Variants in PSD3 observed in about 807,000 individuals in gnomAD.
The protein encoded by PSD3 is PH and SEC7 domain-containing protein 3.
In PSD3, 49 loss-of-function variants were observed where a neutral mutation model predicts 105.5. The ratio of observed to expected loss-of-function variants is 0.46; its 90% confidence interval spans 0.37 to 0.59. The LOEUF (loss-of-function observed/expected upper bound fraction) is 0.59. PSD3 is among the 20% of genes least tolerant of loss of function. The probability of loss-of-function intolerance (pLI) is 0.00; values close to 1 mark genes in which losing one functional copy is unlikely to be tolerated. For synonymous variants in PSD3, 557 were observed against 457.8 expected, an observed-to-expected ratio of 1.22 and a Z score of -2.77; for missense variants, 1,561 against 1,263.8, an observed-to-expected ratio of 1.24 and a Z score of -3.57.
At chr8:19,082,291 C>T (rs1451273927) in intron 1 of PSD3, among the ~76,000 whole-genome samples, 2 of 152,176 alleles carry the variant, frequency 1.3e-5, no homozygotes, top group African/African-American at 4.8e-5. Flanking sequence ...GTCTGACCAC[C>T]TCTGACTCCA....
intron 8 of PSD3, among the ~76,000 whole-genome samples, chr8:18,773,462 G>T (rs1283478373): frequency 6.6e-6 from 1 of 151,956 alleles, no homozygotes; most frequent in Non-Finnish European, 1.5e-5. Context: ...ATTATTTGGG[G>T]TACCTTGAAC....
At chr8:19,079,837 G>C (rs916860592) in intron 1 of PSD3, among the ~76,000 whole-genome samples, 1 of 151,522 alleles carries the variant, frequency 6.6e-6, no homozygotes, top group Non-Finnish European at 1.5e-5. Context: ...CTGTAGTGAA[G>C]TCATTTGACA....
At chr8:18,538,874 C>T (rs1220142463) in intron 15 of PSD3, among the ~76,000 whole-genome samples, 2 of 152,156 alleles carry the variant, frequency 1.3e-5, no homozygotes, top group Non-Finnish European at 2.9e-5. Flanking sequence ...TGTGGCAGTG[C>T]ATGAGTCATC....
intron 8 of PSD3, among the ~76,000 whole-genome samples, chr8:18,797,467 A>C (rs1426264223): frequency 6.6e-6 from 1 of 152,156 alleles, no homozygotes; most frequent in Non-Finnish European, 1.5e-5. Flanking sequence ...ATCTCCTTAC[A>C]ATTCCTTGTA....
At chr8:19,002,633 A>G (rs1826464107) in intron 1 of PSD3, among the ~76,000 whole-genome samples, 1 of 152,112 alleles carries the variant, frequency 6.6e-6, no homozygotes, top group Non-Finnish European at 1.5e-5. Flanking sequence ...ACATCTTCCC[A>G]TATACTTTAA....
chr8:18,743,420 G>C lies in PSD3; in HGVS notation c.2172+22029C>G, dbSNP rs776559275. 3.3e-5 allele frequency among the ~76,000 whole-genome samples: 5 copies of C among 152,056 alleles called. 1 individual carries two copies. Among genetic ancestry groups the C allele is most frequent in the Admixed American group, 2.0e-4 (3 of 15,274 alleles). Reference sequence around the variant, plus strand: ...AAATGGTCCTCTTTAGAAAATGTTCGAGCATGCTTACATTCTTTAGTATTC... The same window carrying C: ...AAATGGTCCTCTTTAGAAAATGTTCCAGCATGCTTACATTCTTTAGTATTC... On this transcript the variant is annotated intron_variant, in intron 9 of 15. Coordinates refer to ENST00000327040, the MANE Select transcript of PSD3 (RefSeq NM_015310.4).
chr8:18,602,898 G>C (rs979953334), intron 11 of PSD3, among the ~76,000 whole-genome samples: 14 of 152,180 alleles, frequency 9.2e-5, no homozygotes, highest in Admixed American at 9.2e-4. Flanking sequence ...GACTGTAGAA[G>C]GAGTTAAAGT....
intron 8 of PSD3, among the ~76,000 whole-genome samples, chr8:18,776,286 T>C (rs1056931521): frequency 2.0e-5 from 3 of 147,198 alleles, no homozygotes; most frequent in Admixed American, 6.8e-5. Flanking sequence ...TATAAATATA[T>C]ATATAATGTA....
At chr8:19,060,482 A>G (rs1250710269) in intron 1 of PSD3, among the ~76,000 whole-genome samples, 2 of 152,160 alleles carry the variant, frequency 1.3e-5, no homozygotes, top group African/African-American at 4.8e-5. Context: ...AAAAAACAAA[A>G]AGCTAGCCAG....
At chr8:19,083,752 A>G (rs1769866044) in intron 1 of PSD3, among the ~76,000 whole-genome samples, 2 of 152,152 alleles carry the variant, frequency 1.3e-5, no homozygotes, top group Non-Finnish European at 2.9e-5. Flanking sequence ...AAGGGTGGGG[A>G]GGATGTTTGC....
At chr8:18,614,018 G>A (rs1805469669) in intron 11 of PSD3, among the ~76,000 whole-genome samples, 1 of 152,164 alleles carries the variant, frequency 6.6e-6, no homozygotes. Context: ...TTGGCTTACA[G>A]CCAAATCTGT....
At chr8:18,658,272 A>G (rs1199278174) in intron 9 of PSD3, among the ~76,000 whole-genome samples, 1 of 152,230 alleles carries the variant, frequency 6.6e-6, no homozygotes, top group East Asian at 1.9e-4. Flanking sequence ...TTTTCTTAAT[A>G]AAAGGAAGAC....
At chr8:19,030,525 G>A (rs2129476193) in intron 1 of PSD3, among the ~76,000 whole-genome samples, 1 of 152,060 alleles carries the variant, frequency 6.6e-6, no homozygotes, top group African/African-American at 2.4e-5. Context: ...AAAGTGTGTG[G>A]CACCTCTGCC....
intron 1 of PSD3, among the ~76,000 whole-genome samples, chr8:18,958,268 G>T (rs1823703246): frequency 6.6e-6 from 1 of 152,158 alleles, no homozygotes; most frequent in African/African-American, 2.4e-5. Flanking sequence ...AATTATGTAT[G>T]CACACAAACA....
intron 14 of PSD3, among the ~76,000 whole-genome samples, chr8:18,571,311 A>G (rs1802123066): frequency 6.6e-6 from 1 of 152,128 alleles, no homozygotes; most frequent in African/African-American, 2.4e-5. Flanking sequence ...GTCACAGTTA[A>G]TAACTTGTGT....
At chr8:18,751,516 C>T (rs1433169435) in intron 9 of PSD3, among the ~76,000 whole-genome samples, 5 of 152,162 alleles carry the variant, frequency 3.3e-5, no homozygotes, top group African/African-American at 1.2e-4. Context: ...AGGCACAGGC[C>T]AAATATCTTA....
At chr8:18,797,152 T>C (rs1327964234) in intron 8 of PSD3, among the ~76,000 whole-genome samples, 2 of 152,146 alleles carry the variant, frequency 1.3e-5, no homozygotes, top group Admixed American at 6.6e-5. Flanking sequence ...ATAGCTACTA[T>C]ATATTCAACA....
chr8:18,929,292 G>A (rs1821586282), intron 2 of PSD3, among the ~76,000 whole-genome samples: 1 of 151,172 alleles, frequency 6.6e-6, no homozygotes, highest in East Asian at 1.9e-4. Context: ...AATAACCATA[G>A]ACAGAAGTCA....
chr8:18,890,455 A>T (rs1818716456), intron 2 of PSD3, among the ~76,000 whole-genome samples: 1 of 152,208 alleles, frequency 6.6e-6, no homozygotes, highest in Admixed American at 6.5e-5. Flanking sequence ...GTGAGCCGAG[A>T]GGAGAGAGGT....
Sources: gnomAD v4.1 joint callset for allele counts (sites outside exome capture counted in the v4.1 genomes callset) on GRCh38, gnomAD v4.1.1 for gene constraint, MANE v1.5 for transcripts, NCBI Gene and HGNC (gene_info 2026-07-23, HGNC 2026-07-21) for gene names.